PRR5L: variants seen among roughly 807,000 people sequenced by gnomAD.
The protein encoded by PRR5L is proline-rich protein 5-like.
In PRR5L, 21 loss-of-function variants were observed where a neutral mutation model predicts 36.4. The observed-to-expected ratio is 0.58, with a 90% confidence interval of 0.41 to 0.83. The LOEUF is 0.83. Among genes scored for constraint, PRR5L ranks in the 40% least tolerant of loss-of-function variants. The pLI, the probability that PRR5L is intolerant of heterozygous loss-of-function variation, is 0.00. For synonymous variants in PRR5L, 188 were observed against 197.0 expected (o/e 0.95, Z 0.38); for missense variants, 381 against 473.3 (o/e 0.80, Z 1.81).
chr11:36,417,571 C>CA (rs1858172802), intron 3 of PRR5L, among the ~76,000 whole-genome samples: 1 of 152,196 alleles, frequency 6.6e-6, no homozygotes, highest in Non-Finnish European at 1.5e-5. Context: ...AATTGGCCCT[C>CA]AAAATGCAGC....
intron 1 of PRR5L, among the ~76,000 whole-genome samples, chr11:36,363,620 C>A (rs1857115993): frequency 6.6e-6 from 1 of 152,204 alleles, no homozygotes; most frequent in African/African-American, 2.4e-5. Context: ...GGAGGAAGGG[C>A]CCCAGCTCCT....
chr11:36,349,586 G>A (rs1341468031), intron 1 of PRR5L, among the ~76,000 whole-genome samples: 2 of 152,292 alleles, frequency 1.3e-5, no homozygotes, highest in South Asian at 2.1e-4. Flanking sequence ...ATCCCGTGGT[G>A]CCCGTCTTTG....
At chr11:36,383,656 A>G (rs1229948709) in intron 1 of PRR5L, among the ~76,000 whole-genome samples, 1 of 145,696 alleles carries the variant, frequency 6.9e-6, no homozygotes, top group Non-Finnish European at 1.5e-5. Context: ...ATTGTTTCCC[A>G]TCCCAGCATT....
chr11:36,357,044 G>A (rs568008706), intron 1 of PRR5L, among the ~76,000 whole-genome samples: 2 of 152,288 alleles, frequency 1.3e-5, no homozygotes, highest in Admixed American at 6.5e-5. Context: ...GAAATTAAAA[G>A]TGCTACTCCA....
chr11:36,346,910 A>G (rs1176997672), intron 1 of PRR5L, among the ~76,000 whole-genome samples: 1 of 152,204 alleles, frequency 6.6e-6, no homozygotes, highest in South Asian at 2.1e-4. Flanking sequence ...CAGCTTGGCA[A>G]TTGTAGTGCA....
intron 1 of PRR5L, among the ~76,000 whole-genome samples, chr11:36,342,274 G>A (rs545129122): frequency 6.6e-6 from 1 of 152,228 alleles, no homozygotes; most frequent in East Asian, 1.9e-4. Flanking sequence ...TCTTTATTAT[G>A]TAGGCTGGCT....
intron 8 of PRR5L, 32 bp from the exon 9 acceptor site, chr11:36,462,310 A>C: frequency 6.7e-7 from 1 of 1,487,424 alleles, no homozygotes; most frequent in Non-Finnish European, 8.9e-7. Context: ...CCCCCTCCCC[A>C]ATAACAGTCT....
At chr11:36,431,617 A>C (rs954639210) in intron 4 of PRR5L, among the ~76,000 whole-genome samples, 17 of 152,042 alleles carry the variant, frequency 1.1e-4, no homozygotes, top group African/African-American at 4.1e-4. Context: ...CTGAGGGATG[A>C]GGGTGGCGGT....
At chr11:36,389,407 G>A (rs1297330474) in intron 1 of PRR5L, among the ~76,000 whole-genome samples, 1 of 152,092 alleles carries the variant, frequency 6.6e-6, no homozygotes, top group African/African-American at 2.4e-5. Context: ...CCCTACTCAG[G>A]GCGAGGCCGT....
At chr11:36,408,781 C>T (rs1022834008) in intron 3 of PRR5L, among the ~76,000 whole-genome samples, 1 of 152,102 alleles carries the variant, frequency 6.6e-6, no homozygotes, top group African/African-American at 2.4e-5. Context: ...TTTATGTAAC[C>T]GAGAAGAATT....
intron 6 of PRR5L, 69 bp from the exon 7 acceptor site, chr11:36,446,231 A>G: frequency 1.9e-6 from 3 of 1,562,160 alleles, no homozygotes; most frequent in South Asian, 2.3e-5. Context: ...GTTGTCTTGA[A>G]CCCCACATGG....
At chr11:36,425,773 G>A (rs1408836019) in intron 4 of PRR5L, 1 of 151,912 alleles carries the variant, frequency 6.6e-6, no homozygotes, top group Non-Finnish European at 1.5e-5. Flanking sequence ...CACAGGAGAT[G>A]TGCACATCAT....
At chr11:36,415,636 C>G (rs905633589) in intron 3 of PRR5L, among the ~76,000 whole-genome samples, 4 of 152,200 alleles carry the variant, frequency 2.6e-5, no homozygotes, top group Non-Finnish European at 2.9e-5. Context: ...CCCAGCTACT[C>G]AGGAGGCTGA....
At position 36,325,518 on chromosome 11, in the gene PRR5L, G is replaced by A. The variant is rs182665190; in HGVS notation, c.-126+29080G>A. 3.5e-4 allele frequency among the ~76,000 whole-genome samples: 53 copies of A among 152,366 alleles called. No individual in the cohort carries two copies. In the East Asian group the frequency reaches 9.8e-3, roughly 28 times the overall value. On this transcript the variant is annotated intron_variant, in intron 1 of 8. Transcript: ENST00000530639. ...GAGGGTAGCCGTTGCTGGCTTGAAT[G>A]CCTGGGTTTATATCCTGATCATTGT...
intron 6 of PRR5L, among the ~76,000 whole-genome samples, chr11:36,439,052 G>A (rs151040118): frequency 8.3e-4 from 126 of 152,284 alleles, no homozygotes; most frequent in African/African-American, 2.8e-3. Context: ...TGGGCATCCC[G>A]TGTTTTATCT....
At chr11:36,382,180 C>T (rs1857381457) in intron 1 of PRR5L, among the ~76,000 whole-genome samples, 1 of 152,110 alleles carries the variant, frequency 6.6e-6, no homozygotes, top group Non-Finnish European at 1.5e-5. Context: ...ACCTCCCCAC[C>T]AAGGTTGGTA....
chr11:36,448,565 C>T lies in PRR5L; in HGVS notation c.585+2125C>T, dbSNP rs375682454. 1.4e-4 allele frequency among the ~76,000 whole-genome samples: 21 copies of T among 152,214 alleles called. No homozygotes were observed. In the East Asian group the frequency reaches 2.7e-3, roughly 20 times the overall value. On this transcript the variant is annotated intron_variant, in intron 7 of 8. Transcript: ENST00000530639. ...TCCTTGCCCTTGTGCCCTCAGCACC[C>T]AGCATAGTCTTTGGCACATAATAGG...
At chr11:36,419,467 G>A (rs1858217910) in intron 4 of PRR5L, among the ~76,000 whole-genome samples, 164 bp downstream of exon 4, 1 of 152,300 alleles carries the variant, frequency 6.6e-6, no homozygotes, top group East Asian at 1.9e-4. Flanking sequence ...CCACTCCTGT[G>A]TCTCCCAGCA....
intron 8 of PRR5L, among the ~76,000 whole-genome samples, chr11:36,461,570 C>G (rs1859180576): frequency 6.6e-6 from 1 of 152,020 alleles, no homozygotes; most frequent in Non-Finnish European, 1.5e-5. Context: ...TTGCAGTGAG[C>G]TGAGATCACA....
Sources: gnomAD v4.1 joint callset for allele counts (sites outside exome capture counted in the v4.1 genomes callset) on GRCh38, gnomAD v4.1.1 for gene constraint, MANE v1.5 for transcripts, NCBI Gene and HGNC (gene_info 2026-07-23, HGNC 2026-07-21) for gene names.